The following ERI1 variants were observed in gnomAD, a reference collection of about 807,000 sequenced individuals.
ERI1 encodes the protein exoribonuclease 1, also known as 3'-5' exoribonuclease 1.
A neutral mutation model predicts 39.7 loss-of-function variants in ERI1; 39 were observed. That is an observed-to-expected ratio of 0.98 (90% CI 0.76 to 1.28). The LOEUF is 1.28. Ranked by LOEUF, ERI1 falls within the 50% of genes most tolerant of loss-of-function variation. ERI1 has a pLI of 0.00. For synonymous variants in ERI1, 204 were observed against 149.6 expected (o/e 1.36, Z -2.65); for missense variants, 581 against 416.9 (o/e 1.39, Z -3.43).
chr8:9,033,803 T>C (rs1483070712), downstream of ERI1, among the ~76,000 whole-genome samples: 1 of 152,230 alleles, frequency 6.6e-6, no homozygotes, highest in Non-Finnish European at 1.5e-5. Context: ...TTGTAGACTT[T>C]GGCTTAACCT....
chr8:9,024,290 T>C (rs186763518), intron 6 of ERI1, among the ~76,000 whole-genome samples: 17 of 152,368 alleles, frequency 1.1e-4, no homozygotes, highest in Non-Finnish European at 1.2e-4. Context: ...CAGATTTTTG[T>C]ATAAGATTTT....
intron 2 of ERI1, among the ~76,000 whole-genome samples, chr8:9,010,048 G>C (rs1476807874): frequency 6.6e-6 from 1 of 152,246 alleles, no homozygotes; most frequent in Non-Finnish European, 1.5e-5. Context: ...ATGAATCGAA[G>C]TGTTGTGGTA....
chr8:9,089,447 T>A (rs1799637179), intron 3 of ERI1, among the ~76,000 whole-genome samples: 1 of 152,102 alleles, frequency 6.6e-6, no homozygotes, highest in Non-Finnish European at 1.5e-5. Flanking sequence ...TTCTTCCTTT[T>A]CTGAGAATGA....
intron 3 of ERI1, among the ~76,000 whole-genome samples, chr8:9,057,418 A>G (rs1798544029): frequency 1.3e-5 from 2 of 152,222 alleles, no homozygotes; most frequent in Admixed American, 6.5e-5. Context: ...GGGACTGGCA[A>G]CAACTCCAAT....
chr8:9,096,708 C>CTTTTTTTTTTTTTT (rs557869870), intron 3 of ERI1: 5 of 96,546 alleles, frequency 5.2e-5, no homozygotes, highest in Non-Finnish European at 7.4e-5. Context: ...CTATTGCCAT[C>CTTTTTTTTTTTTTT]TTTTTTTTTT....
At chr8:9,041,523 T>C (rs1311958202) in intron 3 of ERI1, among the ~76,000 whole-genome samples, 1 of 152,138 alleles carries the variant, frequency 6.6e-6, no homozygotes, top group Non-Finnish European at 1.5e-5. Flanking sequence ...TAGGCATCAG[T>C]AACAAGGAAC....
At chr8:9,016,206 G>T (rs895204673) in intron 3 of ERI1, 116 bp from the exon 4 acceptor site, 5 of 494,860 alleles carry the variant, frequency 1.0e-5, no homozygotes, top group South Asian at 4.9e-5. Context: ...AACTGGAAGG[G>T]TTTATGCCGT....
chr8:9,052,551 G>A (rs1318479277), intron 3 of ERI1, among the ~76,000 whole-genome samples: 1 of 152,112 alleles, frequency 6.6e-6, no homozygotes, highest in Non-Finnish European at 1.5e-5. Context: ...ACGAATCAAG[G>A]AACATGCTAG....
intron 1 of ERI1, among the ~76,000 whole-genome samples, chr8:9,006,925 G>C (rs897235091): frequency 4.6e-5 from 7 of 152,198 alleles, no homozygotes; most frequent in South Asian, 4.1e-4. Flanking sequence ...TGGCCTCTCT[G>C]TGATTATCCT....
chr8:9,096,173 A>G (rs1016305569), intron 3 of ERI1, among the ~76,000 whole-genome samples: 1 of 152,214 alleles, frequency 6.6e-6, no homozygotes, highest in African/African-American at 2.4e-5. Context: ...AACACATTCT[A>G]TTTGGCTTTA....
At chr8:9,028,571 A>G (rs1201624547) in intron 6 of ERI1, among the ~76,000 whole-genome samples, 2 of 152,242 alleles carry the variant, frequency 1.3e-5, no homozygotes, top group East Asian at 1.9e-4. Flanking sequence ...TGTACAAACT[A>G]CAGAATGTAA....
chr8:9,021,939 TGAA>T (rs1282002827), intron 6 of ERI1, among the ~76,000 whole-genome samples: 1 of 152,114 alleles, frequency 6.6e-6, no homozygotes, highest in Non-Finnish European at 1.5e-5. Context: ...GGGGCTTCCA[TGAA>T]GAGTACTTTT....
rs1011825483 is a variant in ERI1, at chr8:9,031,685, C to A, written c.*1651C>A. On this transcript the variant is annotated 3_prime_UTR_variant, in exon 7 of 7. Transcript: ENST00000250263. ...TAATTTCTTTGCCTGTTTTCACTTT[C>A]GCCAAGTACCAACAAGCTCATGTTG... is the stretch of plus-strand genomic sequence containing the variant. 6.6e-6 allele frequency: 1 copy of A among 152,194 alleles called. No homozygotes were observed. Among genetic ancestry groups the A allele is most frequent in the East Asian group, 1.9e-4 (1 of 5,202 alleles). The allele number at this position is 152,194 out of a possible 1,614,324, so 9.4% of individuals were successfully genotyped here. A position where few individuals can be genotyped will look rare whatever the true frequency, so the allele number is the denominator to read the frequency against.
At chr8:9,096,733 T>TC (rs1554444206) in intron 3 of ERI1, 8 of 117,278 alleles carry the variant, frequency 6.8e-5, no homozygotes, top group Admixed American at 5.9e-4. Context: ...TTTTTTTTTT[T>TC]TCTTTTCAGA....
chr8:9,084,529 A>C (rs1409415105), intron 3 of ERI1, among the ~76,000 whole-genome samples: 2 of 151,996 alleles, frequency 1.3e-5, no homozygotes, highest in East Asian at 3.9e-4. Context: ...CCTTAACTCC[A>C]CAGCTCAGAC....
At chr8:9,028,986 T>TTTTTTG (rs1797392723) in intron 6 of ERI1, among the ~76,000 whole-genome samples, 2 of 150,470 alleles carry the variant, frequency 1.3e-5, no homozygotes, top group African/African-American at 4.9e-5. Flanking sequence ...TTTTTTTTTT[T>TTTTTTG]TTTTTTTTTT....
At chr8:9,033,353 TG>T (rs1300661851), downstream of ERI1, 17 of 152,388 alleles carry the variant, frequency 1.1e-4, no homozygotes, top group African/African-American at 4.1e-4. Flanking sequence ...CATTCTCATT[TG>T]TTTTCATGTC....
chr8:9,052,216 A>T (rs1798379086), intron 3 of ERI1, among the ~76,000 whole-genome samples: 1 of 152,154 alleles, frequency 6.6e-6, no homozygotes, highest in Admixed American at 6.5e-5. Context: ...AGTTTCAGCT[A>T]CTGCTCCTAG....
At chr8:9,024,407 C>CTTTTCTTTTCTTTTCTTT (rs1554519008) in intron 6 of ERI1, among the ~76,000 whole-genome samples, 31 of 151,166 alleles carry the variant, frequency 2.1e-4, no homozygotes, top group African/African-American at 5.9e-4. Flanking sequence ...CTTCTTTTTT[C>CTTTTCTTTTCTTTTCTTT]TCTTTTCTTT....
Sources: allele counts gnomAD v4.1 joint callset (sites outside exome capture counted in the v4.1 genomes callset), GRCh38; gene constraint gnomAD v4.1.1; transcripts MANE v1.5; gene names NCBI Gene and HGNC (gene_info 2026-07-23, HGNC 2026-07-21).